Variants in ZNF385D observed in about 807,000 individuals in gnomAD.
ZNF385D encodes the protein zinc finger protein 385D.
ZNF385D carries 15 observed loss-of-function variants against 35.8 expected under a neutral mutation model. That is an observed-to-expected ratio of 0.42 (90% CI 0.28 to 0.64). The LOEUF is 0.64. Among genes scored for constraint, ZNF385D ranks in the 30% least tolerant of loss-of-function variants. The pLI is 0.23. For synonymous variants in ZNF385D, 212 were observed against 186.8 expected (o/e 1.13, Z -1.10); for missense variants, 474 against 494.6 (o/e 0.96, Z 0.39).
chr3:21,701,660 G>A (rs1028377987), intron 1 of ZNF385D, among the ~76,000 whole-genome samples: 2 of 152,128 alleles, frequency 1.3e-5, no homozygotes, highest in African/African-American at 4.8e-5. Flanking sequence ...AGTGCCTTCT[G>A]CCTATGAACC....
intron 4 of ZNF385D, among the ~76,000 whole-genome samples, chr3:21,476,477 A>G (rs556333410): frequency 6.6e-6 from 1 of 152,152 alleles, no homozygotes; most frequent in South Asian, 2.1e-4. Context: ...GTTGAGCTCA[A>G]TTATCTCCCT....
At chr3:22,208,544 A>C (rs1336019285) in intron 2 of ZNF385D, among the ~76,000 whole-genome samples, 1 of 151,748 alleles carries the variant, frequency 6.6e-6, no homozygotes, top group Non-Finnish European at 1.5e-5. Flanking sequence ...ATAATTGTAC[A>C]TTGTAAATAA....
chr3:21,764,588 G>C (rs920231890), intron 3 of ZNF385D, among the ~76,000 whole-genome samples: 1 of 152,162 alleles, frequency 6.6e-6, no homozygotes, highest in African/African-American at 2.4e-5. Context: ...GGCTGGGCTT[G>C]TCTAGTTGGA....
chr3:21,928,195 G>C (rs1186561637), intron 3 of ZNF385D, among the ~76,000 whole-genome samples: 5 of 151,554 alleles, frequency 3.3e-5, no homozygotes, highest in African/African-American at 1.2e-4. Flanking sequence ...TAGGTGAGAA[G>C]TAAGAGCATA....
At chr3:21,513,623 G>A (rs1163809151) in intron 3 of ZNF385D, among the ~76,000 whole-genome samples, 1 of 152,072 alleles carries the variant, frequency 6.6e-6, no homozygotes. Flanking sequence ...GTGGGGTGAT[G>A]GTTGCAGACG....
At chr3:21,959,405 T>A (rs2125314700) in intron 3 of ZNF385D, among the ~76,000 whole-genome samples, 1 of 152,286 alleles carries the variant, frequency 6.6e-6, no homozygotes, top group East Asian at 1.9e-4. Context: ...AAATAATTTA[T>A]AAAGCTGTAA....
chr3:22,262,468 GAATA>G (rs1700681889), intron 2 of ZNF385D, among the ~76,000 whole-genome samples: 1 of 151,732 alleles, frequency 6.6e-6, no homozygotes, highest in Non-Finnish European at 1.5e-5. Flanking sequence ...AAAATATTAA[GAATA>G]AAGAGAAAAA....
At chr3:22,236,758 C>G (rs62246506) in intron 2 of ZNF385D, among the ~76,000 whole-genome samples, 24,575 of 152,052 alleles carry the variant, frequency 0.16, 2,153 homozygotes, top group Non-Finnish European at 0.17. Flanking sequence ...CTTTCTGTCT[C>G]TATAGATTGG....
intron 4 of ZNF385D, among the ~76,000 whole-genome samples, chr3:21,445,275 A>G (rs1333835336): frequency 6.6e-6 from 1 of 152,182 alleles, no homozygotes; most frequent in Non-Finnish European, 1.5e-5. Flanking sequence ...GACAGATGTA[A>G]AAGGGTGACT....
intron 3 of ZNF385D, among the ~76,000 whole-genome samples, chr3:21,990,295 G>A (rs1203632052): frequency 1.3e-5 from 2 of 152,170 alleles, no homozygotes; most frequent in Non-Finnish European, 2.9e-5. Context: ...ATGACATCTA[G>A]CAAAGCCTTG....
intron 3 of ZNF385D, among the ~76,000 whole-genome samples, chr3:21,512,905 T>C (rs897378102): frequency 6.6e-5 from 10 of 152,210 alleles, no homozygotes; most frequent in African/African-American, 2.4e-4. Flanking sequence ...GGCATCTGGA[T>C]ATATCATTTC....
chr3:21,445,031 GCA>G (rs1259800131), intron 4 of ZNF385D, among the ~76,000 whole-genome samples: 1 of 152,164 alleles, frequency 6.6e-6, no homozygotes, highest in African/African-American at 2.4e-5. Context: ...GGCTCCTGAA[GCA>G]CAGAGTCTTG....
intron 3 of ZNF385D, among the ~76,000 whole-genome samples, chr3:21,831,093 T>C (rs1202560744): frequency 6.6e-6 from 1 of 152,234 alleles, no homozygotes; most frequent in East Asian, 1.9e-4. Flanking sequence ...TTTCTTAGCA[T>C]GTCTCATTGA....
chr3:22,069,885 G>A (rs1197749793), intron 3 of ZNF385D, among the ~76,000 whole-genome samples: 1 of 152,124 alleles, frequency 6.6e-6, no homozygotes, highest in African/African-American at 2.4e-5. Context: ...GTCTCCTTTT[G>A]CTTTACTGCT....
intron 1 of ZNF385D, among the ~76,000 whole-genome samples, chr3:21,681,298 T>TAAAAAAAAAAAAAAAAAAGAAA (rs2066894001): frequency 1.6e-5 from 1 of 64,486 alleles, no homozygotes; most frequent in Non-Finnish European, 2.8e-5. Context: ...ATTCCATCAG[T>TAAAAAAAAAAAAAAAAAAGAAA]AAAAAAAAAA....
intron 3 of ZNF385D, among the ~76,000 whole-genome samples, chr3:21,927,128 C>T (rs891816359): frequency 1.3e-5 from 2 of 152,248 alleles, no homozygotes; most frequent in East Asian, 1.9e-4. Context: ...TCCCTCCCCT[C>T]TGTCTCCTTT....
intron 3 of ZNF385D, among the ~76,000 whole-genome samples, chr3:21,526,201 T>A (rs1708210986): frequency 6.6e-6 from 1 of 152,086 alleles, no homozygotes; most frequent in Non-Finnish European, 1.5e-5. Flanking sequence ...TGTAAAAGTA[T>A]TCCAAAATTT....
intron 3 of ZNF385D, among the ~76,000 whole-genome samples, chr3:22,026,999 G>T (rs901434670): frequency 1.3e-5 from 2 of 152,282 alleles, no homozygotes; most frequent in Admixed American, 1.3e-4. Context: ...CACATATCCT[G>T]GTACCTGGTA....
At chr3:21,479,858 TCAGA>T (rs1455103262) in intron 4 of ZNF385D, among the ~76,000 whole-genome samples, 1 of 152,198 alleles carries the variant, frequency 6.6e-6, no homozygotes, top group African/African-American at 2.4e-5. Flanking sequence ...CATAATGTAC[TCAGA>T]CAGTATTAAT....
Sources: gnomAD v4.1 joint callset for allele counts (sites outside exome capture counted in the v4.1 genomes callset) on GRCh38, gnomAD v4.1.1 for gene constraint, MANE v1.5 for transcripts, NCBI Gene and HGNC (gene_info 2026-07-23, HGNC 2026-07-21) for gene names.